The following TAF3 variants were observed in gnomAD, a reference collection of about 807,000 sequenced individuals.
The protein encoded by TAF3 is transcription initiation factor TFIID subunit 3.
TAF3 carries 7 observed loss-of-function variants against 80.6 expected under a neutral mutation model. That is an observed-to-expected ratio of 0.09 (90% CI 0.05 to 0.16). The LOEUF is 0.16. Ranked by LOEUF, TAF3 falls within the 10% of genes least tolerant of loss-of-function variation. The probability of loss-of-function intolerance (pLI) is 1.00; values close to 1 mark genes in which losing one functional copy is unlikely to be tolerated. For missense variants in TAF3, 921 were observed against 1,140.2 expected, an observed-to-expected ratio of 0.81 and a Z score of 2.77; for synonymous variants, 444 against 446.1, an observed-to-expected ratio of 1.00 and a Z score of 0.06.
chr10:7,835,708 G>C (rs1254561337), intron 2 of TAF3, among the ~76,000 whole-genome samples: 1 of 152,200 alleles, frequency 6.6e-6, no homozygotes, highest in Non-Finnish European at 1.5e-5. Context: ...GGCCTGCCGG[G>C]CTTTCCAGCA....
At chr10:7,971,169 A>G (rs1831617751) in intron 3 of TAF3, among the ~76,000 whole-genome samples, 1 of 152,180 alleles carries the variant, frequency 6.6e-6, no homozygotes, top group Non-Finnish European at 1.5e-5. Flanking sequence ...GGCACTTGTT[A>G]TACTTAACCA....
intron 4 of TAF3, among the ~76,000 whole-genome samples, chr10:8,006,059 G>T (rs149276226): frequency 6.6e-6 from 1 of 152,124 alleles, no homozygotes; most frequent in South Asian, 2.1e-4. Flanking sequence ...GCCGGGCACC[G>T]TGGCTTACGC....
At chr10:7,892,520 AAGC>A in intron 2 of TAF3, among the ~76,000 whole-genome samples, 1 of 152,242 alleles carries the variant, frequency 6.6e-6, no homozygotes, top group East Asian at 1.9e-4. Flanking sequence ...ATTTTTTAAA[AAGC>A]AGCATATAGC....
At chr10:7,935,577 A>C (rs924253089) in intron 2 of TAF3, among the ~76,000 whole-genome samples, 1 of 152,166 alleles carries the variant, frequency 6.6e-6, no homozygotes, top group Non-Finnish European at 1.5e-5. Context: ...GAGAGAGACA[A>C]CGTCTCAAAT....
chr10:7,903,771 C>T (rs1238683236), intron 2 of TAF3, among the ~76,000 whole-genome samples: 2 of 151,708 alleles, frequency 1.3e-5, no homozygotes, highest in Non-Finnish European at 2.9e-5. Flanking sequence ...TTTATTTAGC[C>T]CATGTTTAAG....
chr10:7,904,862 G>C (rs1354972803), intron 2 of TAF3, among the ~76,000 whole-genome samples: 1 of 152,112 alleles, frequency 6.6e-6, no homozygotes, highest in African/African-American at 2.4e-5. Context: ...GAAGCTGGCT[G>C]TGCTCCCTTT....
intron 2 of TAF3, among the ~76,000 whole-genome samples, chr10:7,934,316 G>A (rs902692162): frequency 6.6e-5 from 10 of 152,030 alleles, no homozygotes; most frequent in East Asian, 1.9e-4. Context: ...GAGTTTTTTC[G>A]TTAATGGCAC....
intron 4 of TAF3, among the ~76,000 whole-genome samples, chr10:7,999,382 G>T (rs1474875348): frequency 1.3e-5 from 2 of 150,560 alleles, no homozygotes; most frequent in Non-Finnish European, 1.5e-5. Context: ...CTTTGAAAAG[G>T]CAAGACCCAA....
intron 2 of TAF3, among the ~76,000 whole-genome samples, chr10:7,936,978 A>G (rs1837927751): frequency 6.6e-6 from 1 of 152,030 alleles, no homozygotes; most frequent in African/African-American, 2.4e-5. Context: ...ACTTACCAAT[A>G]TGCATTTCAG....
chr10:7,977,787 C>T (rs1831688396), intron 4 of TAF3, among the ~76,000 whole-genome samples: 1 of 152,134 alleles, frequency 6.6e-6, no homozygotes. Context: ...ATGCCAAAGG[C>T]TTGGAGAGAC....
At chr10:8,006,179 T>TACACACACACAC (rs59502450) in intron 4 of TAF3, among the ~76,000 whole-genome samples, 28 of 134,676 alleles carry the variant, frequency 2.1e-4, no homozygotes, top group African/African-American at 7.0e-4. Flanking sequence ...AAAAAAAAAA[T>TACACACACACAC]ACACACACAC....
chr10:7,822,478 C>T (rs1455247704), intron 1 of TAF3, among the ~76,000 whole-genome samples: 1 of 138,696 alleles, frequency 7.2e-6, no homozygotes, highest in Non-Finnish European at 1.6e-5. Context: ...AGAAGTAACC[C>T]ATACTTATAG....
intron 2 of TAF3, among the ~76,000 whole-genome samples, chr10:7,897,101 C>T (rs1837511787): frequency 6.6e-6 from 1 of 152,168 alleles, no homozygotes. Flanking sequence ...TCTTCTGCTA[C>T]CAGCCAGGGA....
chr10:7,974,113 G>A (rs1831646884), intron 3 of TAF3, among the ~76,000 whole-genome samples: 1 of 150,182 alleles, frequency 6.7e-6, no homozygotes, highest in African/African-American at 2.5e-5. Flanking sequence ...GGGCGACAGA[G>A]TGAGATTCCT....
At chr10:7,956,039 CAA>C (rs1387237852) in intron 2 of TAF3, among the ~76,000 whole-genome samples, 1 of 152,032 alleles carries the variant, frequency 6.6e-6, no homozygotes, top group Admixed American at 6.6e-5. Flanking sequence ...AACTTATTCT[CAA>C]AGTTTCCCAA....
intron 2 of TAF3, among the ~76,000 whole-genome samples, chr10:7,919,468 T>C (rs987887317): frequency 3.3e-5 from 5 of 152,160 alleles, no homozygotes; most frequent in Non-Finnish European, 7.4e-5. Flanking sequence ...TTTTCACCTG[T>C]AGAATTAGAA....
intron 2 of TAF3, among the ~76,000 whole-genome samples, chr10:7,874,942 T>C (rs1439882708): frequency 1.3e-5 from 2 of 152,154 alleles, no homozygotes; most frequent in Non-Finnish European, 2.9e-5. Context: ...TTTTTAGACT[T>C]CTAGTTTGGA....
chr10:8,013,175 G>A (rs1564384001), intron 5 of TAF3, among the ~76,000 whole-genome samples: 1 of 152,226 alleles, frequency 6.6e-6, no homozygotes, highest in Non-Finnish European at 1.5e-5. Context: ...TAAAGGGAAT[G>A]GAAAGTTACT....
Position 7,964,975 on chromosome 10 carries a change from T to C in TAF3, c.1465T>C (p.Phe489Leu). The change falls in exon 3 of 7, where the codon TTT (phenylalanine) becomes CTT (leucine). Residue 489 changes from phenylalanine to leucine, a missense_variant. Physicochemically the swap from Phe to Leu is conservative, Grantham distance 22. This residue lies in a region of TAF3 where 743 missense variants were observed against 821.0 expected (regional missense o/e 0.90). Coordinates refer to ENST00000344293, the MANE Select transcript of TAF3 (RefSeq NM_031923.4). This position sits in a 1 kb window ranked among gnomAD's most constrained non-coding sequence, Gnocchi z 4.1. ...AACACCTTCAAATATGCCCCCCAACTTTCCTTATATCTCTTCTCCGTCAGT... is the reference window on the plus strand; with the variant it reads ...AACACCTTCAAATATGCCCCCCAACCTTCCTTATATCTCTTCTCCGTCAGT... ...LGTPSNMPPN[F>L]PYISSPSVSP... 1 of 1,614,102 alleles carries C rather than the reference T, an allele frequency of 6.2e-7. No homozygotes were observed. Among genetic ancestry groups the C allele is most frequent in the Non-Finnish European group, 8.5e-7 (1 of 1,180,022 alleles).
Sources: gnomAD v4.1 joint callset for allele counts (sites outside exome capture counted in the v4.1 genomes callset) on GRCh38, gnomAD v4.1.1 for gene constraint, gnomAD v4.1.1 regional missense constraint, Gnocchi (gnomAD v3.1) non-coding constraint, MANE v1.5 for transcripts, NCBI Gene and HGNC (gene_info 2026-07-23, HGNC 2026-07-21) for gene names.